PTPRD: variants seen among roughly 807,000 people sequenced by gnomAD.
The protein encoded by PTPRD is receptor-type tyrosine-protein phosphatase delta.
PTPRD carries 34 observed loss-of-function variants against 214.5 expected under a neutral mutation model. The ratio of observed to expected loss-of-function variants is 0.16; its 90% CI spans 0.12 to 0.21. PTPRD has a LOEUF of 0.21. Among genes scored for constraint, PTPRD ranks in the 10% least tolerant of loss-of-function variants. The pLI is 1.00. For synonymous variants in PTPRD, 1,128 were observed against 845.7 expected (o/e 1.33, Z -5.79); for missense variants, 2,545 against 2,398.7 (o/e 1.06, Z -1.27).
intron 11 of PTPRD, among the ~76,000 whole-genome samples, chr9:8,811,255 C>T (rs2096796706): frequency 6.6e-6 from 1 of 152,120 alleles, no homozygotes; most frequent in African/African-American, 2.4e-5. Flanking sequence ...TTCCCAGTAC[C>T]AATCCTTTAC....
chr9:9,580,027 T>C (rs1359196156), intron 7 of PTPRD, among the ~76,000 whole-genome samples: 1 of 152,150 alleles, frequency 6.6e-6, no homozygotes, highest in Non-Finnish European at 1.5e-5. Context: ...TGCAAAGACA[T>C]GTTTCATCTT....
At chr9:9,291,044 A>T (rs1950988099) in intron 9 of PTPRD, among the ~76,000 whole-genome samples, 1 of 151,492 alleles carries the variant, frequency 6.6e-6, no homozygotes, top group Non-Finnish European at 1.5e-5. Context: ...TTCAGCTGCA[A>T]AATTTATATT....
chr9:8,497,929 T>C (rs986006470), intron 25 of PTPRD, among the ~76,000 whole-genome samples: 3 of 152,254 alleles, frequency 2.0e-5, no homozygotes, highest in African/African-American at 4.8e-5. Flanking sequence ...ACTGGTCATA[T>C]TGTTTTCTTT....
chr9:9,385,499 C>A (rs1412935575), intron 9 of PTPRD, among the ~76,000 whole-genome samples: 1 of 152,114 alleles, frequency 6.6e-6, no homozygotes, highest in African/African-American at 2.4e-5. Context: ...GAAACCAATC[C>A]TTTCATATAT....
At chr9:8,738,289 A>G (rs2090992740) in intron 11 of PTPRD, among the ~76,000 whole-genome samples, 1 of 152,178 alleles carries the variant, frequency 6.6e-6, no homozygotes, top group African/African-American at 2.4e-5. Flanking sequence ...TTTTTCTTCA[A>G]CTTACCATTG....
rs750936755 is a variant in PTPRD, at chr9:8,507,523, G to A, written c.1544-89C>T. The A allele has an allele frequency of 1.4e-4, 218 of 1,512,910 alleles. 1 individual carries two copies. Among genetic ancestry groups the A allele is most frequent in the Non-Finnish European group, 1.7e-4 (193 of 1,104,746 alleles). 93.7% of individuals were successfully genotyped at this position (1,512,910 alleles called of 1,614,324 possible). A position where few individuals can be genotyped will look rare whatever the true frequency, so the allele number is the denominator to read the frequency against. On this transcript the variant is annotated intron_variant, in intron 21 of 45. Coordinates refer to ENST00000381196, the MANE Select transcript of PTPRD (RefSeq NM_002839.4). ...TTAGCGTAACCTGCTTAAACCTTTC[G>A]AAATCTGTACACATGTACCAGCTTA... is the stretch of plus-strand genomic sequence containing the variant.
intron 5 of PTPRD, among the ~76,000 whole-genome samples, chr9:9,804,369 A>G (rs1407881474): frequency 6.6e-6 from 1 of 152,152 alleles, no homozygotes; most frequent in Non-Finnish European, 1.5e-5. Flanking sequence ...ACATTAATGT[A>G]TCAGCACACA....
At chr9:8,389,525 T>A in intron 36 of PTPRD, 118 bp from the exon 37 acceptor site, 1 of 685,736 alleles carries the variant, frequency 1.5e-6, no homozygotes, top group Non-Finnish European at 2.3e-6. Flanking sequence ...GAAGTCACAA[T>A]ATATTGAAGG....
chr9:9,875,295 T>C (rs902917890), intron 5 of PTPRD, among the ~76,000 whole-genome samples: 2 of 152,126 alleles, frequency 1.3e-5, no homozygotes, highest in Non-Finnish European at 2.9e-5. Flanking sequence ...TAGGTACTGA[T>C]ATTGCTAAAT....
chr9:8,733,539 T>A (rs1244967862), intron 12 of PTPRD, among the ~76,000 whole-genome samples: 1 of 151,806 alleles, frequency 6.6e-6, no homozygotes, highest in Non-Finnish European at 1.5e-5. Flanking sequence ...TATAAAAAAA[T>A]AAATAAACAG....
intron 3 of PTPRD, among the ~76,000 whole-genome samples, chr9:10,096,403 G>T (rs2098484928): frequency 6.6e-6 from 1 of 151,728 alleles, no homozygotes; most frequent in African/African-American, 2.4e-5. Flanking sequence ...AGCACCTGTT[G>T]TTTCCTGACT....
At chr9:9,943,683 A>T (rs375452010) in intron 4 of PTPRD, among the ~76,000 whole-genome samples, 2 of 152,174 alleles carry the variant, frequency 1.3e-5, no homozygotes, top group Non-Finnish European at 1.5e-5. Context: ...CAACATCTGA[A>T]TAAGAATTTG....
At chr9:10,317,476 A>C (rs572181866) in intron 3 of PTPRD, among the ~76,000 whole-genome samples, 1 of 152,078 alleles carries the variant, frequency 6.6e-6, no homozygotes, top group African/African-American at 2.4e-5. Flanking sequence ...GGAAAGTATA[A>C]TGCCTGGAAA....
chr9:10,612,127 T>C (rs1162521980), intron 2 of PTPRD, among the ~76,000 whole-genome samples: 2 of 147,964 alleles, frequency 1.4e-5, no homozygotes, highest in Non-Finnish European at 3.0e-5. Context: ...CAATAGCCCT[T>C]GAACAATAAA....
At chr9:8,966,619 A>C (rs766332061) in intron 11 of PTPRD, among the ~76,000 whole-genome samples, 90 of 152,232 alleles carry the variant, frequency 5.9e-4, no homozygotes, top group Middle Eastern at 3.4e-3. Context: ...AGATGGATTA[A>C]AGATTTAAAT....
intron 5 of PTPRD, among the ~76,000 whole-genome samples, chr9:9,778,784 T>C (rs938341332): frequency 5.9e-5 from 9 of 152,198 alleles, no homozygotes; most frequent in African/African-American, 1.9e-4. Flanking sequence ...CTCCAGGCTA[T>C]GGCACAAAGT....
intron 11 of PTPRD, among the ~76,000 whole-genome samples, chr9:8,782,860 G>T (rs1011291240): frequency 1.3e-5 from 2 of 152,002 alleles, no homozygotes; most frequent in African/African-American, 2.4e-5. Flanking sequence ...CCCCGCAAAG[G>T]GCTGGGATTA....
chr9:9,154,159 TA>T (rs1185246327), intron 10 of PTPRD, among the ~76,000 whole-genome samples: 1 of 152,162 alleles, frequency 6.6e-6, no homozygotes. Context: ...AAGAAAGACC[TA>T]AACCTGATGT....
At chr9:10,210,819 A>ATG (rs2099513292) in intron 3 of PTPRD, among the ~76,000 whole-genome samples, 2 of 70,182 alleles carry the variant, frequency 2.8e-5, no homozygotes, top group African/African-American at 1.6e-4. Flanking sequence ...ATATATATAT[A>ATG]TATGTATGTA....
Sources: allele counts gnomAD v4.1 joint callset (sites outside exome capture counted in the v4.1 genomes callset), GRCh38; gene constraint gnomAD v4.1.1; transcripts MANE v1.5; gene names NCBI Gene and HGNC (gene_info 2026-07-23, HGNC 2026-07-21).